The following HINT3 variants were observed in gnomAD, a reference collection of about 807,000 sequenced individuals.
HINT3 encodes the protein histidine triad nucleotide binding protein 3.
In HINT3, 16 loss-of-function variants were observed where a neutral mutation model predicts 19.1. The observed-to-expected ratio is 0.84, with a 90% CI of 0.57 to 1.27. The LOEUF is 1.27. Among genes scored for constraint, HINT3 ranks in the 50% most tolerant of loss-of-function variants. HINT3 has a pLI of 0.00. For synonymous variants in HINT3, 75 were observed against 84.8 expected (o/e 0.88, Z 0.63); for missense variants, 197 against 225.8 (o/e 0.87, Z 0.82).
intron 1 of HINT3, among the ~76,000 whole-genome samples, chr6:125,961,335 A>G (rs996922890): frequency 1.3e-5 from 2 of 152,124 alleles, no homozygotes; most frequent in Non-Finnish European, 2.9e-5. Context: ...CAAGCAAACA[A>G]TCAGTTTTGC....
In HINT3 at chr6:125,977,757, T is replaced by G; in HGVS notation, c.*81T>G. On this transcript the variant is annotated 3_prime_UTR_variant, in exon 5 of 5. Coordinates refer to ENST00000229633, the MANE Select transcript of HINT3 (RefSeq NM_138571.5). ...GGTCCCTTTTAAGTCTAATTGCAAT[T>G]TTAAGATTTGTTGGGTTTTATGAGA... 1 of 777,502 alleles carries G rather than the reference T, an allele frequency of 1.3e-6. No individual in the cohort carries two copies. Among genetic ancestry groups the G allele is most frequent in the Non-Finnish European group, 2.0e-6 (1 of 494,728 alleles). 48.2% of individuals were successfully genotyped at this position (777,502 alleles called of 1,614,324 possible). A position where few individuals can be genotyped will look rare whatever the true frequency, so the allele number is the denominator to read the frequency against.
Position 125,956,838 on chromosome 6 carries a change from C to T in HINT3, c.-140C>T, listed in dbSNP as rs1788839536. On this transcript the variant is annotated 5_prime_UTR_variant, in exon 1 of 5. Transcript: ENST00000229633. ...TTCCTCACCGCGTCTCCTTCCCTCT[C>T]CCCAAAGCCTGGATCACCGCCCAGC... The T allele has an allele frequency of 2.2e-6, 2 of 901,280 alleles. No homozygotes were observed. Among genetic ancestry groups the T allele is most frequent in the Non-Finnish European group, 3.3e-6 (2 of 605,786 alleles). 55.8% of individuals were successfully genotyped at this position (901,280 alleles called of 1,614,324 possible). A position where few individuals can be genotyped will look rare whatever the true frequency, so the allele number is the denominator to read the frequency against.
At chr6:125,960,454 C>A (rs1012834611) in intron 1 of HINT3, among the ~76,000 whole-genome samples, 2 of 152,030 alleles carry the variant, frequency 1.3e-5, no homozygotes, top group African/African-American at 2.4e-5. Flanking sequence ...GTCAGGAGTT[C>A]GAGACCAGCC....
At chr6:125,964,252 G>GT (rs1268617642) in intron 1 of HINT3, among the ~76,000 whole-genome samples, 3 of 152,000 alleles carry the variant, frequency 2.0e-5, no homozygotes, top group Non-Finnish European at 4.4e-5. Flanking sequence ...TTTATTGTTT[G>GT]TTTTTTATTT....
intron 1 of HINT3, among the ~76,000 whole-genome samples, chr6:125,960,945 G>A (rs568524728): frequency 2.9e-4 from 44 of 152,196 alleles, no homozygotes; most frequent in Non-Finnish European, 5.4e-4. Flanking sequence ...CTTAGAAACT[G>A]CTTTTAAATT....
intron 2 of HINT3, among the ~76,000 whole-genome samples, chr6:125,969,684 C>T (rs531750047): frequency 2.0e-5 from 3 of 152,272 alleles, no homozygotes; most frequent in East Asian, 3.9e-4. Context: ...TTATAGTTCT[C>T]CTCGTAGAGA....
At chr6:125,974,775 A>T in intron 3 of HINT3, 72 bp from the exon 4 acceptor site, 1 of 1,462,570 alleles carries the variant, frequency 6.8e-7, no homozygotes, top group South Asian at 1.2e-5. Context: ...ATTAAAATTT[A>T]TGTGTTTTCA....
chr6:125,962,342 A>C (rs1788957889), intron 1 of HINT3, among the ~76,000 whole-genome samples: 1 of 141,870 alleles, frequency 7.0e-6, no homozygotes, highest in Non-Finnish European at 1.5e-5. Context: ...ACACACACAT[A>C]ACCGTATAAT....
At chr6:125,971,156 T>A (rs1260680146) in intron 2 of HINT3, among the ~76,000 whole-genome samples, 2 of 152,206 alleles carry the variant, frequency 1.3e-5, no homozygotes, top group Non-Finnish European at 2.9e-5. Context: ...TATTCCCACC[T>A]GAAGGCCATA....
At chr6:125,971,702 CTTTTTTT>C (rs142105115) in intron 2 of HINT3, among the ~76,000 whole-genome samples, 93 of 59,612 alleles carry the variant, frequency 1.6e-3, no homozygotes, top group African/African-American at 6.9e-3. Context: ...GCCTGGCTAC[CTTTTTTT>C]TTTTTTTTTT....
rs115018043 is a variant in HINT3 at position 125,973,882 on chromosome 6, T to C, written c.390-965T>C. ...TTCTGGATCATGGCTTCTCCATCTT[T>C]AAGATGAAAAGATTGAGTGAACCTT... On this transcript the variant is annotated intron_variant, in intron 3 of 4. Transcript: ENST00000229633. Among the ~76,000 whole-genome samples the C allele has an allele frequency of 3.0e-3, 454 of 152,370 alleles. 1 individual carries two copies. Among genetic ancestry groups the C allele is most frequent in the African/African-American group, 9.8e-3 (408 of 41,588 alleles).
At chr6:125,972,431 T>A in intron 3 of HINT3, 103 bp downstream of exon 3, 1 of 658,080 alleles carries the variant, frequency 1.5e-6, no homozygotes, top group Non-Finnish European at 2.5e-6. Context: ...GTTTGTGGTT[T>A]AAATGTAGTT....
At chr6:125,973,903 ACCTT>A (rs1190075995) in intron 3 of HINT3, among the ~76,000 whole-genome samples, 1 of 152,204 alleles carries the variant, frequency 6.6e-6, no homozygotes, top group Non-Finnish European at 1.5e-5. Flanking sequence ...GATTGAGTGA[ACCTT>A]TGAGTTGCTT....
At chr6:125,963,935 G>A (rs1308895428) in intron 1 of HINT3, among the ~76,000 whole-genome samples, 1 of 152,170 alleles carries the variant, frequency 6.6e-6, no homozygotes, top group Non-Finnish European at 1.5e-5. Context: ...AAACCCAAAT[G>A]ACACACCATT....
intron 1 of HINT3, among the ~76,000 whole-genome samples, chr6:125,965,733 C>G (rs985577004): frequency 6.6e-6 from 1 of 151,976 alleles, no homozygotes; most frequent in South Asian, 2.1e-4. Context: ...GCCTGGGCTA[C>G]AGAGAGAGAC....
rs1789198347 is a variant in HINT3, at chr6:125,977,706, C to T, written c.*30C>T. On this transcript the variant is annotated 3_prime_UTR_variant, in exon 5 of 5. Coordinates refer to ENST00000229633, the MANE Select transcript of HINT3 (RefSeq NM_138571.5). ...GTCAAGAGTGGAAGATTTTTCTAAT[C>T]TTGGTTCAGCATGAAGTGGTATTTA... 2 of 1,425,198 alleles carry T rather than the reference C, an allele frequency of 1.4e-6. No homozygotes were observed. Among genetic ancestry groups the T allele is most frequent in the Non-Finnish European group, 1.9e-6 (2 of 1,044,832 alleles). 88.3% of individuals were successfully genotyped at this position (1,425,198 alleles called of 1,614,324 possible).
chr6:125,962,207 T>TAC lies in HINT3; in HGVS notation c.202-4679_202-4678insCA, dbSNP rs1485182086. Among the ~76,000 whole-genome samples, 45 of 25,012 alleles carry TAC rather than the reference T, an allele frequency of 1.8e-3. 3 individuals are homozygous for TAC. The highest frequency in any genetic ancestry group is 2.3e-3 in the Non-Finnish European group (37 of 15,772). 16.4% of individuals were successfully genotyped at this position (25,012 alleles called of 152,430 possible). ...ATATACACATATATATATATATATA[T>TAC]ATACACATATATATATATATATATA... On this transcript the variant is annotated intron_variant, in intron 1 of 4. Transcript: ENST00000229633.
chr6:125,975,584 G>GTT (rs397694163), intron 4 of HINT3, among the ~76,000 whole-genome samples: 2 of 145,150 alleles, frequency 1.4e-5, no homozygotes, highest in Non-Finnish European at 3.0e-5. Context: ...CTGAAGAGTT[G>GTT]TTTTTTTTTT....
At chr6:125,975,584 G>T (rs35589496) in intron 4 of HINT3, among the ~76,000 whole-genome samples, 103,637 of 144,984 alleles carry the variant, frequency 0.71, 37,381 homozygotes, top group East Asian at 0.95. Context: ...CTGAAGAGTT[G>T]TTTTTTTTTT....
Sources: gnomAD v4.1 joint callset for allele counts (sites outside exome capture counted in the v4.1 genomes callset) on GRCh38, gnomAD v4.1.1 for gene constraint, MANE v1.5 for transcripts, NCBI Gene and HGNC (gene_info 2026-07-23, HGNC 2026-07-21) for gene names.